COL5A2: variants seen among roughly 807,000 people sequenced by gnomAD.
The protein encoded by COL5A2 is collagen alpha-2(V) chain.
Under a neutral mutation model 208.2 loss-of-function variants are expected in COL5A2, and 23 were observed. The observed-to-expected ratio is 0.11, with a 90% CI of 0.08 to 0.16. The LOEUF is 0.16. Ranked by LOEUF, COL5A2 falls within the 10% of genes least tolerant of loss-of-function variation. COL5A2 has a pLI of 1.00. For missense variants in COL5A2, 1,590 were observed against 1,956.4 expected (o/e 0.81, Z 3.53); for synonymous variants, 625 against 628.5 (o/e 0.99, Z 0.08).
At chr2:189,143,950 C>T (rs1216717970) in intron 1 of COL5A2, among the ~76,000 whole-genome samples, 1 of 152,002 alleles carries the variant, frequency 6.6e-6, no homozygotes. Flanking sequence ...TCTTAAAGAA[C>T]TAGACATGGT....
At chr2:189,339,139 C>T in the COL5A2 span, among the ~76,000 whole-genome samples, 4 of 152,058 alleles carry the variant, frequency 2.6e-5, no homozygotes, top group Admixed American at 2.6e-4. Context: ...CCACCTGAAG[C>T]CAGGAATTTG....
At chr2:189,053,358 G>A in intron 38 of COL5A2, 66 bp downstream of exon 38, 1 of 1,348,032 alleles carries the variant, frequency 7.4e-7, no homozygotes. Context: ...ATATGACAAT[G>A]ATCATTAAAC....
At chr2:189,282,500 G>C in the COL5A2 span, among the ~76,000 whole-genome samples, 1 of 152,280 alleles carries the variant, frequency 6.6e-6, no homozygotes, top group Non-Finnish European at 1.5e-5. Flanking sequence ...CTCTGATGCA[G>C]TCACTTGCTC....
the COL5A2 span, among the ~76,000 whole-genome samples, chr2:189,310,958 G>A: frequency 6.6e-6 from 1 of 151,996 alleles, no homozygotes; most frequent in Non-Finnish European, 1.5e-5. Flanking sequence ...GGGAGGTGGG[G>A]ATGTTTAATG....
intron 1 of COL5A2, among the ~76,000 whole-genome samples, chr2:189,212,500 G>A (rs1008152473): frequency 5.3e-5 from 8 of 151,860 alleles, no homozygotes; most frequent in South Asian, 2.1e-4. Flanking sequence ...TTAGCTGGGC[G>A]TGGTGGTGGG....
chr2:189,053,819 T>C, intron 37 of COL5A2, 76 bp downstream of exon 37: 7 of 1,259,320 alleles, frequency 5.6e-6, no homozygotes, highest in Non-Finnish European at 8.0e-6. Flanking sequence ...TTGTTTTATA[T>C]AAATATAAAA....
intron 1 of COL5A2, among the ~76,000 whole-genome samples, chr2:189,166,253 G>A (rs542419732): frequency 6.6e-6 from 1 of 152,004 alleles, no homozygotes; most frequent in Non-Finnish European, 1.5e-5. Flanking sequence ...TCCACATCCT[G>A]CAGTCTCCAT....
rs765068787 is a variant in COL5A2 at position 189,039,314 on chromosome 2, T to C, written c.3883A>G (p.Thr1295Ala). Residue 1295 changes from threonine (T) to alanine (A), a missense_variant, in exon 51 of 54, where the codon ACG becomes GCG. Transcript: ENST00000374866. ...TGGCAAAGCTTTAGGTCATCACACG[T>C]GCGGGCTGGGTGCTTTTTCGAGCCA... ...PDGSKKHPARTCDDLKLCHSA... is the reference protein window; with the variant it reads ...PDGSKKHPARACDDLKLCHSA... 2 of 1,613,992 alleles carry C rather than the reference T, an allele frequency of 1.2e-6. No homozygotes were observed. Among genetic ancestry groups the C allele is most frequent in the African/African-American group, 2.7e-5 (2 of 74,920 alleles).
Position 189,062,888 on chromosome 2 carries a change from G to T in COL5A2, c.1954C>A (p.Pro652Thr), listed in dbSNP as rs774596254. The T allele has an allele frequency of 1.2e-6, 2 of 1,613,992 alleles. No homozygotes were observed. Among genetic ancestry groups the T allele is most frequent in the Admixed American group, 3.3e-5 (2 of 59,978 alleles). ...ACCGGCGGGCCCACAGGACCAGAAGGACCAACTTCACCATCTTTTCCAGGA... is the reference window on the plus strand; with the variant it reads ...ACCGGCGGGCCCACAGGACCAGAAGTACCAACTTCACCATCTTTTCCAGGA... The part of the protein sequence containing the change: ...GAPGKDGEVG[P>T]SGPVGPPGLA... Residue 652 changes from proline to threonine, a missense_variant, in exon 29 of 54, where the codon CCT (proline) becomes ACT (threonine). By Grantham distance (38) the Pro-to-Thr change is conservative. Transcript: ENST00000374866.
the COL5A2 span, among the ~76,000 whole-genome samples, chr2:189,386,542 C>G: frequency 6.6e-6 from 1 of 152,134 alleles, no homozygotes; most frequent in Admixed American, 6.5e-5. Flanking sequence ...ATTAAACAGA[C>G]AGCTTACAGA....
chr2:189,391,008 G>A, the COL5A2 span, among the ~76,000 whole-genome samples: 3 of 152,182 alleles, frequency 2.0e-5, no homozygotes, highest in Admixed American at 6.5e-5. Flanking sequence ...TTTGGTCATC[G>A]GGTTTGTTTA....
At chr2:189,038,024 CA>C (rs956881471) in intron 51 of COL5A2, among the ~76,000 whole-genome samples, 35 of 152,130 alleles carry the variant, frequency 2.3e-4, no homozygotes, top group South Asian at 1.2e-3. Context: ...TATTATAGTA[CA>C]TTTTTTTTAA....
chr2:189,120,082 G>A (rs980562700), intron 1 of COL5A2, among the ~76,000 whole-genome samples: 8 of 152,034 alleles, frequency 5.3e-5, no homozygotes, highest in Non-Finnish European at 1.0e-4. Context: ...CCATTTAATC[G>A]ATAGTTATTT....
intron 3 of COL5A2, 58 bp from the exon 4 acceptor site, chr2:189,100,197 C>T (rs1687020592): frequency 7.4e-7 from 1 of 1,342,998 alleles, no homozygotes; most frequent in African/African-American, 1.4e-5. Flanking sequence ...GCTTGCTGGG[C>T]AAAAACATGT....
At chr2:189,034,720 A>C (rs1685406334) in intron 53 of COL5A2, among the ~76,000 whole-genome samples, 196 bp downstream of exon 53, 1 of 152,184 alleles carries the variant, frequency 6.6e-6, no homozygotes, top group African/African-American at 2.4e-5. Flanking sequence ...TTCTTTCTTT[A>C]CTATATGGAT....
the COL5A2 span, among the ~76,000 whole-genome samples, chr2:189,414,804 T>C: frequency 1.3e-5 from 2 of 149,280 alleles, no homozygotes; most frequent in Admixed American, 1.3e-4. Flanking sequence ...AGTCTTCTAC[T>C]CCTCAATGAC....
chr2:189,082,402 C>T (rs1176862224), intron 12 of COL5A2, among the ~76,000 whole-genome samples: 2 of 152,188 alleles, frequency 1.3e-5, no homozygotes, highest in East Asian at 3.9e-4. Context: ...TCTGTTTACA[C>T]AACCCCGCTC....
At chr2:189,146,404 T>C (rs574483118) in intron 1 of COL5A2, among the ~76,000 whole-genome samples, 17 of 152,124 alleles carry the variant, frequency 1.1e-4, no homozygotes, top group Non-Finnish European at 2.2e-4. Context: ...AATCCCATCA[T>C]AGACATACAG....
intron 31 of COL5A2, 34 bp downstream of exon 31, chr2:189,060,696 A>G (rs1217289267): frequency 6.4e-7 from 1 of 1,555,542 alleles, no homozygotes; most frequent in Non-Finnish European, 8.9e-7. Flanking sequence ...CCAGCAATGT[A>G]TAGTGTTGCC....
Sources: allele counts gnomAD v4.1 joint callset (sites outside exome capture counted in the v4.1 genomes callset), GRCh38; gene constraint gnomAD v4.1.1; transcripts MANE v1.5; gene names NCBI Gene and HGNC (gene_info 2026-07-23, HGNC 2026-07-21).